The following SGMS2 variants were observed in gnomAD, a reference collection of about 807,000 sequenced individuals.
The protein encoded by SGMS2 is sphingomyelin synthase 2.
In SGMS2, 21 loss-of-function variants were observed where a neutral mutation model predicts 43.8. That is an observed-to-expected ratio of 0.48 (90% confidence interval 0.34 to 0.69). The LOEUF is 0.69. Among genes scored for constraint, SGMS2 ranks in the 30% least tolerant of loss-of-function variants. The probability of loss-of-function intolerance (pLI) is 0.01; values close to 1 mark genes in which losing one functional copy is unlikely to be tolerated. For missense variants in SGMS2, 384 were observed against 443.2 expected (o/e 0.87, Z 1.20); for synonymous variants, 167 against 160.6 (o/e 1.04, Z -0.30).
Position 107,857,471 on chromosome 4 carries a change from A to C in SGMS2, c.-326-1001A>C, listed in dbSNP as rs561774498. Reference sequence around the variant, plus strand: ...ACTAAAAATCGATTTCTGGTTGCACATGAGTGTACATCCTGCAGTTGTTAA... The same window carrying C: ...ACTAAAAATCGATTTCTGGTTGCACCTGAGTGTACATCCTGCAGTTGTTAA... On this transcript the variant is annotated intron_variant, in intron 1 of 6. Transcript: ENST00000690982. 6.6e-5 allele frequency among the ~76,000 whole-genome samples: 10 copies of C among 151,972 alleles called. No homozygotes were observed. The East Asian group carries it at 1.9e-3, about 29-fold the overall frequency.
At chr4:107,830,068 C>T (rs918032118) in intron 1 of SGMS2, among the ~76,000 whole-genome samples, 2 of 152,158 alleles carry the variant, frequency 1.3e-5, no homozygotes, top group Non-Finnish European at 2.9e-5. Flanking sequence ...GTCTGTGGTT[C>T]CCTTCTTAGG....
At chr4:107,826,209 C>G (rs1441929724) in intron 1 of SGMS2, among the ~76,000 whole-genome samples, 1 of 152,160 alleles carries the variant, frequency 6.6e-6, no homozygotes, top group Non-Finnish European at 1.5e-5. Context: ...ATGTCTGGTA[C>G]AAAGCAGACC....
chr4:107,848,102 A>G (rs1233633803), intron 1 of SGMS2, among the ~76,000 whole-genome samples: 1 of 151,788 alleles, frequency 6.6e-6, no homozygotes, highest in East Asian at 1.9e-4. Context: ...TCTGGCAACC[A>G]CTCATCTCTT....
At chr4:107,841,344 T>C (rs1290813731) in intron 1 of SGMS2, among the ~76,000 whole-genome samples, 1 of 152,164 alleles carries the variant, frequency 6.6e-6, no homozygotes, top group Admixed American at 6.5e-5. Context: ...TATTAACCCC[T>C]GAAGGCACCT....
At chr4:107,905,407 A>G (rs978525718) in intron 5 of SGMS2, among the ~76,000 whole-genome samples, 2 of 152,222 alleles carry the variant, frequency 1.3e-5, no homozygotes, top group African/African-American at 2.4e-5. Context: ...TATGGGAGCT[A>G]CAATTCAAGA....
At chr4:107,891,539 G>A (rs1413441338) in intron 2 of SGMS2, among the ~76,000 whole-genome samples, 3 of 152,068 alleles carry the variant, frequency 2.0e-5, no homozygotes, top group Non-Finnish European at 2.9e-5. Flanking sequence ...CTCATGCAGA[G>A]GAAATCAAGG....
At chr4:107,862,991 G>A (rs1415392442) in intron 2 of SGMS2, among the ~76,000 whole-genome samples, 1 of 152,150 alleles carries the variant, frequency 6.6e-6, no homozygotes, top group African/African-American at 2.4e-5. Context: ...GTGTTATAAG[G>A]TGGGGCCAGC....
At chr4:107,842,196 A>T (rs576062996) in intron 1 of SGMS2, among the ~76,000 whole-genome samples, 12 of 152,134 alleles carry the variant, frequency 7.9e-5, no homozygotes, top group African/African-American at 2.4e-4. Context: ...CCATAAAGAA[A>T]TACCTGAGGC....
intron 1 of SGMS2, among the ~76,000 whole-genome samples, chr4:107,837,058 T>C (rs1240154829): frequency 6.6e-6 from 1 of 152,226 alleles, no homozygotes; most frequent in Non-Finnish European, 1.5e-5. Context: ...ATTGCTGAGA[T>C]GCAGTCCCAA....
intron 2 of SGMS2, among the ~76,000 whole-genome samples, chr4:107,873,141 C>G (rs1728666628): frequency 6.6e-6 from 1 of 152,118 alleles, no homozygotes; most frequent in African/African-American, 2.4e-5. Context: ...TCCAGTGTTC[C>G]TTATCCATGA....
chr4:107,840,453 A>G (rs1397575908), intron 1 of SGMS2, among the ~76,000 whole-genome samples: 2 of 152,096 alleles, frequency 1.3e-5, no homozygotes, highest in Non-Finnish European at 2.9e-5. Context: ...TTCACAATAG[A>G]TTTCTTCTCC....
Position 107,845,977 on chromosome 4 carries a change from G to A in SGMS2, c.-326-12495G>A, listed in dbSNP as rs114677608. On this transcript the variant is annotated intron_variant, in intron 1 of 6. Transcript: ENST00000690982. ...AATGTTGTTTCATCAACATTAAGCT[G>A]CATTTAGAATGCTCTTTACTTTTAG... is the stretch of plus-strand genomic sequence containing the variant. Among the ~76,000 whole-genome samples, 1,191 of 152,232 alleles carry A rather than the reference G, an allele frequency of 7.8e-3. 22 individuals carry two copies. Among genetic ancestry groups the A allele is most frequent in the African/African-American group, 0.028 (1,149 of 41,542 alleles).
At chr4:107,899,815 T>C in intron 4 of SGMS2, 123 bp downstream of exon 4, 1 of 540,694 alleles carries the variant, frequency 1.8e-6, no homozygotes. Context: ...ATCTTTTCTA[T>C]TTTCTATTTA....
intron 1 of SGMS2, among the ~76,000 whole-genome samples, chr4:107,827,400 A>AG (rs1725652013): frequency 6.6e-6 from 1 of 152,116 alleles, no homozygotes; most frequent in South Asian, 2.1e-4. Flanking sequence ...GATTATCAAG[A>AG]GGGGAAAAAA....
At chr4:107,894,547 C>T (rs1730503445) in intron 2 of SGMS2, 1 of 152,146 alleles carries the variant, frequency 6.6e-6, no homozygotes, top group Non-Finnish European at 1.5e-5. Context: ...GTAGCTGAAT[C>T]AAAATATTGT....
At chr4:107,828,648 C>G (rs1411653609) in intron 1 of SGMS2, among the ~76,000 whole-genome samples, 1 of 152,194 alleles carries the variant, frequency 6.6e-6, no homozygotes, top group African/African-American at 2.4e-5. Context: ...TGTCTGTGTA[C>G]ACATTCTTGA....
Position 107,841,130 on chromosome 4 carries a change from A to G in SGMS2, c.-327+15877A>G, listed in dbSNP as rs73838241. Among the ~76,000 whole-genome samples the G allele has an allele frequency of 2.3e-3, 350 of 152,302 alleles. 3 individuals are homozygous for G. Among genetic ancestry groups the G allele is most frequent in the African/African-American group, 7.9e-3 (330 of 41,560 alleles). On this transcript the variant is annotated intron_variant, in intron 1 of 6. Transcript: ENST00000690982. ...GACCCACTTTAAAGAGTGATTAGTAAAAGGCCCCTTTTAGGAAGGAATATT... is the reference window on the plus strand; with the variant it reads ...GACCCACTTTAAAGAGTGATTAGTAGAAGGCCCCTTTTAGGAAGGAATATT...
intron 1 of SGMS2, among the ~76,000 whole-genome samples, chr4:107,834,674 A>T (rs143088805): frequency 1.3e-5 from 2 of 152,328 alleles, no homozygotes; most frequent in African/African-American, 4.8e-5. Context: ...ATCTATTGTA[A>T]GTATGTAAAG....
chr4:107,852,080 T>G (rs1380452721), intron 1 of SGMS2, among the ~76,000 whole-genome samples: 1 of 151,990 alleles, frequency 6.6e-6, no homozygotes, highest in African/African-American at 2.4e-5. Context: ...AATTTTTTTT[T>G]TTTTTTGAGA....
Sources: gnomAD v4.1 joint callset for allele counts (sites outside exome capture counted in the v4.1 genomes callset) on GRCh38, gnomAD v4.1.1 for gene constraint, MANE v1.5 for transcripts, NCBI Gene and HGNC (gene_info 2026-07-23, HGNC 2026-07-21) for gene names.